Variants in PTPRD observed in about 807,000 individuals in gnomAD.
PTPRD encodes the protein protein tyrosine phosphatase receptor type D.
Under a neutral mutation model 214.5 loss-of-function variants are expected in PTPRD, and 34 were observed. That is an observed-to-expected ratio of 0.16 (90% CI 0.12 to 0.21). The LOEUF is 0.21. Ranked by LOEUF, PTPRD falls within the 10% of genes least tolerant of loss-of-function variation. The probability of loss-of-function intolerance (pLI) is 1.00; values close to 1 mark genes in which losing one functional copy is unlikely to be tolerated. For synonymous variants in PTPRD, 1,128 were observed against 845.7 expected, an observed-to-expected ratio of 1.33 and a Z score of -5.79; for missense variants, 2,545 against 2,398.7, an observed-to-expected ratio of 1.06 and a Z score of -1.27.
At chr9:10,050,884 A>G (rs1335025911) in intron 3 of PTPRD, among the ~76,000 whole-genome samples, 1 of 152,116 alleles carries the variant, frequency 6.6e-6, no homozygotes, top group Non-Finnish European at 1.5e-5. Context: ...CTATTAGAAA[A>G]TTACATAAAA....
intron 5 of PTPRD, among the ~76,000 whole-genome samples, chr9:9,881,420 A>G (rs1285013996): frequency 6.6e-6 from 1 of 152,130 alleles, no homozygotes; most frequent in Non-Finnish European, 1.5e-5. Context: ...CAAGATCAAG[A>G]GCTTCGTAGT....
At chr9:8,323,174 C>T (rs1830154354) in intron 44 of PTPRD, among the ~76,000 whole-genome samples, 1 of 152,102 alleles carries the variant, frequency 6.6e-6, no homozygotes, top group African/African-American at 2.4e-5. Flanking sequence ...CTCTTGAGAC[C>T]TACTGCTTAG....
At chr9:10,610,873 C>G (rs10809134) in intron 2 of PTPRD, among the ~76,000 whole-genome samples, 89,558 of 151,898 alleles carry the variant, frequency 0.59, 26,977 homozygotes, top group Admixed American at 0.68. Context: ...AACTCTAAAA[C>G]ATCTCTACTT....
intron 11 of PTPRD, among the ~76,000 whole-genome samples, chr9:8,851,712 A>T (rs1480955568): frequency 6.6e-6 from 1 of 152,210 alleles, no homozygotes; most frequent in Non-Finnish European, 1.5e-5. Context: ...TTGTATGATC[A>T]AACTGGATAT....
At chr9:10,471,166 GAC>G (rs56367829) in intron 2 of PTPRD, among the ~76,000 whole-genome samples, 126,290 of 151,720 alleles carry the variant, frequency 0.83, 52,724 homozygotes, top group East Asian at 0.98. Context: ...CTAGGGGAAG[GAC>G]ACAGCATTAG....
intron 31 of PTPRD, 99 bp downstream of exon 31, chr9:8,470,896 G>T: frequency 9.7e-7 from 1 of 1,027,488 alleles, no homozygotes. Flanking sequence ...GGAGAAGCCA[G>T]CACCCAGATT....
intron 10 of PTPRD, among the ~76,000 whole-genome samples, chr9:9,118,434 A>T (rs76406773): frequency 0.028 from 4,322 of 152,216 alleles, 108 homozygotes; most frequent in East Asian, 0.071. Flanking sequence ...CTACATGCAC[A>T]GTGATTTAGT....
intron 3 of PTPRD, among the ~76,000 whole-genome samples, chr9:10,298,234 G>C (rs979155323): frequency 6.6e-6 from 1 of 152,020 alleles, no homozygotes; most frequent in African/African-American, 2.4e-5. Context: ...GAATGTAACT[G>C]CTTGTTCCCT....
intron 9 of PTPRD, among the ~76,000 whole-genome samples, chr9:9,230,540 C>A (rs936163423): frequency 2.0e-5 from 3 of 152,142 alleles, no homozygotes; most frequent in African/African-American, 7.2e-5. Flanking sequence ...AGGCTTGCAA[C>A]TGACATCTGG....
At chr9:9,325,090 T>C (rs1268439732) in intron 9 of PTPRD, among the ~76,000 whole-genome samples, 2 of 152,208 alleles carry the variant, frequency 1.3e-5, no homozygotes, top group East Asian at 1.9e-4. Context: ...TTTTGGTTAC[T>C]GTAGCCTTGT....
intron 11 of PTPRD, among the ~76,000 whole-genome samples, chr9:8,943,980 A>T (rs991590038): frequency 3.5e-5 from 5 of 144,768 alleles, no homozygotes; most frequent in African/African-American, 1.2e-4. Context: ...GGAATGGGAG[A>T]AAACATTTGC....
chr9:9,268,355 A>G (rs1941136387), intron 9 of PTPRD, among the ~76,000 whole-genome samples: 1 of 151,076 alleles, frequency 6.6e-6, no homozygotes, highest in Non-Finnish European at 1.5e-5. Context: ...CGATGAAAGA[A>G]ATGGAAAAAA....
intron 4 of PTPRD, among the ~76,000 whole-genome samples, chr9:9,955,902 G>T (rs1459042085): frequency 6.6e-6 from 1 of 152,088 alleles, no homozygotes; most frequent in Non-Finnish European, 1.5e-5. Flanking sequence ...ACATGTTCCT[G>T]AAACAGTATC....
At chr9:10,608,287 T>A (rs1459801642) in intron 2 of PTPRD, among the ~76,000 whole-genome samples, 1 of 151,992 alleles carries the variant, frequency 6.6e-6, no homozygotes, top group African/African-American at 2.4e-5. Context: ...GGTACAGTAA[T>A]AAAATCCAAA....
At chr9:9,952,621 T>G (rs985825024) in intron 4 of PTPRD, among the ~76,000 whole-genome samples, 4 of 152,112 alleles carry the variant, frequency 2.6e-5, no homozygotes, top group Non-Finnish European at 5.9e-5. Flanking sequence ...CCAGCGCTAT[T>G]AACTATATAT....
At chr9:8,532,278 G>A (rs1219884082) in intron 14 of PTPRD, among the ~76,000 whole-genome samples, 1 of 152,020 alleles carries the variant, frequency 6.6e-6, no homozygotes, top group East Asian at 1.9e-4. Flanking sequence ...AAAACAAACT[G>A]TAGAAATAAT....
chr9:9,795,456 G>A (rs1301763069), intron 5 of PTPRD, among the ~76,000 whole-genome samples: 3 of 151,980 alleles, frequency 2.0e-5, no homozygotes, highest in Admixed American at 1.3e-4. Context: ...AAAAAACAAG[G>A]TTTGTATTTA....
chr9:8,731,900 G>C (rs189874354), intron 12 of PTPRD, among the ~76,000 whole-genome samples: 1 of 152,222 alleles, frequency 6.6e-6, no homozygotes, highest in Admixed American at 6.5e-5. Flanking sequence ...GTTGAAGCCT[G>C]CTTCCTCTTT....
At chr9:8,776,924 TATAA>T (rs1325335432) in intron 11 of PTPRD, among the ~76,000 whole-genome samples, 1 of 147,494 alleles carries the variant, frequency 6.8e-6, no homozygotes, top group Non-Finnish European at 1.5e-5. Flanking sequence ...ATGTATAATA[TATAA>T]ATATGATGTA....
Sources: allele counts gnomAD v4.1 joint callset (sites outside exome capture counted in the v4.1 genomes callset), GRCh38; gene constraint gnomAD v4.1.1; transcripts MANE v1.5; gene names NCBI Gene and HGNC (gene_info 2026-07-23, HGNC 2026-07-21).